The following PCNX1 variants were observed in gnomAD, a reference collection of about 807,000 sequenced individuals.
PCNX1 encodes pecanex-like protein 1.
PCNX1 carries 78 observed loss-of-function variants against 242.2 expected under a neutral mutation model. That is an observed-to-expected ratio of 0.32 (90% CI 0.27 to 0.39). The LOEUF is 0.39. PCNX1 is among the 10% of genes least tolerant of loss of function. The pLI, the probability that PCNX1 is intolerant of heterozygous loss-of-function variation, is 1.00. For synonymous variants in PCNX1, 1,024 were observed against 1,032.9 expected (o/e 0.99, Z 0.17); for missense variants, 2,581 against 2,856.5 (o/e 0.90, Z 2.20).
intron 10 of PCNX1, chr14:71,012,461 G>A (rs74785480): frequency 0.011 from 1,783 of 160,310 alleles, 30 homozygotes; most frequent in African/African-American, 0.041. Context: ...ATTTACAATA[G>A]GTTTATTGAT....
chr14:70,924,341 A>G (rs753925608), intron 1 of PCNX1, among the ~76,000 whole-genome samples: 11 of 152,116 alleles, frequency 7.2e-5, no homozygotes, highest in African/African-American at 1.2e-4. Flanking sequence ...AGTCTCAAAG[A>G]TAGTGCAGAG....
chr14:70,962,623 A>G (rs2058257039), intron 3 of PCNX1, among the ~76,000 whole-genome samples: 2 of 152,190 alleles, frequency 1.3e-5, no homozygotes, highest in African/African-American at 4.8e-5. Flanking sequence ...TCTTCACATC[A>G]TGTGTATTAG....
At chr14:70,911,651 T>A (rs947605135) in intron 1 of PCNX1, among the ~76,000 whole-genome samples, 1 of 152,194 alleles carries the variant, frequency 6.6e-6, no homozygotes, top group Non-Finnish European at 1.5e-5. Flanking sequence ...TTGTTATTGA[T>A]TGTGTGTCCT....
chr14:70,935,922 T>A (rs1375021025), intron 1 of PCNX1, among the ~76,000 whole-genome samples: 1 of 152,226 alleles, frequency 6.6e-6, no homozygotes, highest in Non-Finnish European at 1.5e-5. Context: ...CTGGTTTTTA[T>A]GACCAGTATT....
chr14:71,082,557 A>G (rs1375746899), intron 28 of PCNX1, among the ~76,000 whole-genome samples: 6 of 152,072 alleles, frequency 3.9e-5, no homozygotes, highest in African/African-American at 1.4e-4. Context: ...GTGTATATAT[A>G]TTTAGGATAG....
intron 1 of PCNX1, among the ~76,000 whole-genome samples, chr14:70,928,522 A>G (rs1240084498): frequency 1.3e-5 from 2 of 152,230 alleles, no homozygotes; most frequent in Admixed American, 6.5e-5. Flanking sequence ...AGACTGATAA[A>G]TAAAAGAGTG....
rs1279353514 is a variant in PCNX1, at chr14:71,111,233, T to C, written c.*1298T>C. ...GGAAATATATTACTCATATTTACAA[T>C]TGGGCGATATAGGAACTTCAATTTA... is the stretch of plus-strand genomic sequence containing the variant. On this transcript the variant is annotated 3_prime_UTR_variant, in exon 36 of 36. Coordinates refer to ENST00000304743, the MANE Select transcript of PCNX1 (RefSeq NM_014982.3). The C allele has an allele frequency of 6.6e-6, 1 of 152,608 alleles. No homozygotes were observed. The highest frequency in any genetic ancestry group is 1.5e-5 in the Non-Finnish European group (1 of 68,028). 9.5% of individuals were successfully genotyped at this position (152,608 alleles called of 1,614,324 possible). A position where few individuals can be genotyped will look rare whatever the true frequency, so the allele number is the denominator to read the frequency against.
intron 1 of PCNX1, among the ~76,000 whole-genome samples, chr14:70,934,915 C>T (rs2526865): frequency 0.013 from 1,944 of 152,278 alleles, 36 homozygotes; most frequent in African/African-American, 0.043. Context: ...TAATTGTCAG[C>T]TGCTCTGGAA....
intron 6 of PCNX1, among the ~76,000 whole-genome samples, chr14:70,981,744 A>G (rs1038787208): frequency 1.3e-5 from 2 of 152,200 alleles, no homozygotes; most frequent in Non-Finnish European, 1.5e-5. Context: ...TGGTAGAAAA[A>G]TGTCCTGTGT....
rs1566803872 is a variant in PCNX1, at chr14:70,907,613, T to TCCTCCTCC, written c.-236_-235insTCCTCCCC. 3.7e-6 allele frequency: 1 copy of TCCTCCTCC among 270,456 alleles called. No individual in the cohort carries two copies. The highest frequency in any genetic ancestry group is 5.6e-5 in the Admixed American group (1 of 17,834). 16.8% of individuals were successfully genotyped at this position (270,456 alleles called of 1,614,324 possible). A position where few individuals can be genotyped will look rare whatever the true frequency, so the allele number is the denominator to read the frequency against. Reference sequence around the variant, plus strand: ...CTCTCAGAAGGCCGGTCTCCTCCTCTCCGCCGTCCTCCGCCCCGCCGCTCG... The same window carrying TCCTCCTCC: ...CTCTCAGAAGGCCGGTCTCCTCCTCTCCTCCTCCCCGCCGTCCTCCGCCCCGCCGCTCG... On this transcript the variant is annotated 5_prime_UTR_variant, in exon 1 of 36. An upstream open reading frame in the 5' UTR loses its in-frame stop. Coordinates refer to ENST00000304743, the MANE Select transcript of PCNX1 (RefSeq NM_014982.3).
rs190689636 is a variant in PCNX1, at chr14:71,040,218, G to A, written c.3867+4061G>A. On this transcript the variant is annotated intron_variant, in intron 19 of 35. Coordinates refer to ENST00000304743, the MANE Select transcript of PCNX1 (RefSeq NM_014982.3). ...GTAGCTCTGAATAAGTCCTTATTTC[G>A]CTATTGGTATTGAAAGATACTTCAT... 1.1e-4 allele frequency among the ~76,000 whole-genome samples: 16 copies of A among 152,172 alleles called. No homozygotes were observed. In the East Asian group the frequency reaches 2.5e-3, roughly 24 times the overall value.
intron 11 of PCNX1, among the ~76,000 whole-genome samples, chr14:71,016,460 C>T (rs1477288616): frequency 6.6e-6 from 1 of 152,124 alleles, no homozygotes; most frequent in African/African-American, 2.4e-5. Context: ...TTTCTAAGTG[C>T]TCACAGAACA....
intron 33 of PCNX1, among the ~76,000 whole-genome samples, chr14:71,106,302 G>T (rs1486800635): frequency 6.6e-6 from 1 of 152,312 alleles, no homozygotes; most frequent in South Asian, 2.1e-4. Flanking sequence ...ACAGGCGTGA[G>T]CCACCACGCC....
At chr14:71,008,373 T>G (rs1386370566) in intron 8 of PCNX1, among the ~76,000 whole-genome samples, 1 of 152,112 alleles carries the variant, frequency 6.6e-6, no homozygotes, top group Non-Finnish European at 1.5e-5. Flanking sequence ...GATTCCTGTT[T>G]TGGCCGGGCG....
chr14:71,000,345 T>G (rs1288812280), intron 8 of PCNX1, among the ~76,000 whole-genome samples: 1 of 152,138 alleles, frequency 6.6e-6, no homozygotes, highest in Non-Finnish European at 1.5e-5. Context: ...CACTAAGAGA[T>G]ATCCACTATT....
chr14:71,067,973 G>A (rs189018640), intron 26 of PCNX1, among the ~76,000 whole-genome samples: 1 of 151,890 alleles, frequency 6.6e-6, no homozygotes, highest in Admixed American at 6.6e-5. Context: ...TGTAGCACAT[G>A]GAGAAAAAAG....
chr14:71,075,854 C>T (rs2061704941), intron 27 of PCNX1, among the ~76,000 whole-genome samples: 1 of 151,928 alleles, frequency 6.6e-6, no homozygotes, highest in South Asian at 2.1e-4. Flanking sequence ...CCATCGCACT[C>T]TAGCATGGGC....
At position 70,907,668 on chromosome 14, in the gene PCNX1, T is replaced by G; in HGVS notation, c.-183T>G. 1.7e-6 allele frequency: 1 copy of G among 593,426 alleles called. No homozygotes were observed. The highest frequency in any genetic ancestry group is 2.0e-5 in the African/African-American group (1 of 50,268). The allele number at this position is 593,426 out of a possible 1,614,324, so 36.8% of individuals were successfully genotyped here. On this transcript the variant is annotated 5_prime_UTR_variant, in exon 1 of 36. Transcript: ENST00000304743. ...CTCCTCCTCTCGGGTCTCCTCCTCC[T>G]CGTTTGCTGCCTCCTCCTCCTCCTG...
intron 11 of PCNX1, among the ~76,000 whole-genome samples, chr14:71,017,713 G>A (rs1409638364): frequency 6.6e-6 from 1 of 152,160 alleles, no homozygotes; most frequent in African/African-American, 2.4e-5. Flanking sequence ...GACAAGGGAG[G>A]CACTATTCAG....
Sources: allele counts gnomAD v4.1 joint callset (sites outside exome capture counted in the v4.1 genomes callset), GRCh38; gene constraint gnomAD v4.1.1; transcripts MANE v1.5; gene names NCBI Gene and HGNC (gene_info 2026-07-23, HGNC 2026-07-21).